Variants in THSD7B observed in about 807,000 individuals in gnomAD.
The protein encoded by THSD7B is thrombospondin type-1 domain-containing protein 7B.
A neutral mutation model predicts 213.6 loss-of-function variants in THSD7B; 138 were observed. The ratio of observed to expected loss-of-function variants is 0.65; its 90% confidence interval spans 0.56 to 0.74. The LOEUF (loss-of-function observed/expected upper bound fraction) is 0.74. Ranked by LOEUF, THSD7B falls within the 30% of genes least tolerant of loss-of-function variation. The pLI, the probability that THSD7B is intolerant of heterozygous loss-of-function variation, is 0.00. For missense variants in THSD7B, 1,931 were observed against 1,991.5 expected (o/e 0.97, Z 0.58); for synonymous variants, 742 against 687.0 (o/e 1.08, Z -1.25).
intron 3 of THSD7B, among the ~76,000 whole-genome samples, chr2:137,068,768 T>A (rs1224359290): frequency 6.6e-6 from 1 of 152,072 alleles, no homozygotes; most frequent in Non-Finnish European, 1.5e-5. Context: ...TGGTAGTATC[T>A]GTGACACTGT....
intron 20 of THSD7B, among the ~76,000 whole-genome samples, chr2:137,625,015 C>T (rs1390407615): frequency 6.6e-6 from 1 of 151,872 alleles, no homozygotes. Flanking sequence ...GCTATAAAGA[C>T]ACATGCACAT....
intron 12 of THSD7B, among the ~76,000 whole-genome samples, chr2:137,364,371 C>G (rs890727485): frequency 6.6e-6 from 1 of 152,166 alleles, no homozygotes; most frequent in Non-Finnish European, 1.5e-5. Context: ...TCCTGTTCAA[C>G]ATAGTGTTGG....
intron 2 of THSD7B, among the ~76,000 whole-genome samples, chr2:137,024,759 A>G (rs1297403755): frequency 6.6e-6 from 1 of 151,976 alleles, no homozygotes; most frequent in African/African-American, 2.4e-5. Context: ...AGTTTTCTTC[A>G]TCTCATCAAA....
chr2:137,006,399 AATACATACATAC>A (rs60604756), intron 2 of THSD7B, among the ~76,000 whole-genome samples: 6,222 of 149,408 alleles, frequency 0.042, 198 homozygotes, highest in African/African-American at 0.08. Flanking sequence ...CGTCTCAAGA[AATACATACATAC>A]ATACATACAT....
At chr2:137,643,612 T>G (rs1682976579) in intron 21 of THSD7B, among the ~76,000 whole-genome samples, 2 of 152,244 alleles carry the variant, frequency 1.3e-5, no homozygotes, top group Non-Finnish European at 2.9e-5. Flanking sequence ...AATTCTTTCC[T>G]AAGTATTCAG....
intron 21 of THSD7B, 110 bp downstream of exon 21, chr2:137,642,743 A>G: frequency 7.7e-7 from 1 of 1,305,248 alleles, no homozygotes; most frequent in South Asian, 1.5e-5. Flanking sequence ...GGGGTCTGGC[A>G]CAATGTATTT....
At chr2:136,783,549 C>A (rs1474605237) in intron 1 of THSD7B, among the ~76,000 whole-genome samples, 3 of 152,018 alleles carry the variant, frequency 2.0e-5, no homozygotes, top group African/African-American at 7.2e-5. Flanking sequence ...CTGGAGCCAC[C>A]AAGAGAGACC....
intron 15 of THSD7B, among the ~76,000 whole-genome samples, chr2:137,536,996 G>A (rs1680518757): frequency 6.6e-6 from 1 of 151,830 alleles, no homozygotes; most frequent in East Asian, 1.9e-4. Flanking sequence ...CAACTCTTCA[G>A]CTATAGAGCT....
chr2:136,928,188 T>C (rs1684572163), intron 2 of THSD7B, among the ~76,000 whole-genome samples: 1 of 152,170 alleles, frequency 6.6e-6, no homozygotes, highest in Admixed American at 6.5e-5. Context: ...GTTTAGAACA[T>C]TTACATTAGC....
chr2:137,358,172 A>C (rs1227865633), intron 12 of THSD7B, among the ~76,000 whole-genome samples: 1 of 152,214 alleles, frequency 6.6e-6, no homozygotes, highest in Non-Finnish European at 1.5e-5. Context: ...GTGGAAGACT[A>C]GTCAGTTTTG....
At chr2:137,591,239 A>G (rs1212282056) in intron 17 of THSD7B, among the ~76,000 whole-genome samples, 4 of 151,804 alleles carry the variant, frequency 2.6e-5, no homozygotes, top group Non-Finnish European at 4.4e-5. Context: ...ATTTTTTCCA[A>G]CTAGAATAAA....
chr2:136,965,018 A>AT (rs1172274278), intron 2 of THSD7B, among the ~76,000 whole-genome samples: 1 of 151,842 alleles, frequency 6.6e-6, no homozygotes, highest in Admixed American at 6.6e-5. Flanking sequence ...CTCAAAAAAA[A>AT]AAAAAAAAAA....
intron 15 of THSD7B, among the ~76,000 whole-genome samples, chr2:137,467,155 A>G (rs914743371): frequency 1.3e-5 from 2 of 152,066 alleles, no homozygotes; most frequent in African/African-American, 4.8e-5. Flanking sequence ...GTGGTTTCCA[A>G]CCTTTTATTT....
chr2:136,864,720 T>G (rs1683307461), intron 1 of THSD7B, among the ~76,000 whole-genome samples: 1 of 152,072 alleles, frequency 6.6e-6, no homozygotes. Flanking sequence ...GCCCGGCTAG[T>G]TTTTTGTACT....
At chr2:137,571,525 A>T (rs937318286) in intron 16 of THSD7B, among the ~76,000 whole-genome samples, 9 of 152,204 alleles carry the variant, frequency 5.9e-5, no homozygotes, top group Non-Finnish European at 1.3e-4. Flanking sequence ...TTCAAAACAG[A>T]TTATGCTCCC....
intron 7 of THSD7B, among the ~76,000 whole-genome samples, chr2:137,174,525 T>C (rs13034924): frequency 0.07 from 10,598 of 152,290 alleles, 396 homozygotes; most frequent in African/African-American, 0.094. Context: ...ATCTTAGATT[T>C]GAGTAGTCAT....
Position 137,259,914 on chromosome 2 carries a change from T to G in THSD7B, c.2267-12619T>G, listed in dbSNP as rs376034858. Among the ~76,000 whole-genome samples the G allele has an allele frequency of 2.7e-4, 41 of 151,972 alleles. 1 individual carries two copies. In the South Asian group the frequency reaches 4.2e-3, roughly 15 times the overall value. On this transcript the variant is annotated intron_variant, in intron 10 of 27. Transcript: ENST00000409968. ...TCATCTTGGGTTTTCTTTATTTGTG[T>G]GTGTGCGTGTGGGTGTGTGCGTGTG...
At chr2:136,788,219 G>T (rs1011722774) in intron 1 of THSD7B, among the ~76,000 whole-genome samples, 6 of 152,230 alleles carry the variant, frequency 3.9e-5, no homozygotes, top group Non-Finnish European at 7.3e-5. Context: ...CCCGCTGGGA[G>T]AGACCTTAAG....
intron 2 of THSD7B, among the ~76,000 whole-genome samples, chr2:136,955,885 C>G (rs1685115454): frequency 6.6e-6 from 1 of 151,956 alleles, no homozygotes; most frequent in East Asian, 1.9e-4. Context: ...ATCTCCTGAC[C>G]TCGTGATCCA....
Sources: gnomAD v4.1 joint callset for allele counts (sites outside exome capture counted in the v4.1 genomes callset) on GRCh38, gnomAD v4.1.1 for gene constraint, MANE v1.5 for transcripts, NCBI Gene and HGNC (gene_info 2026-07-23, HGNC 2026-07-21) for gene names.